The following LRRIQ1 variants were observed in gnomAD, a reference collection of about 807,000 sequenced individuals.
LRRIQ1 encodes the protein leucine-rich repeat- and IQ domain-containing protein 1.
LRRIQ1 carries 210 observed loss-of-function variants against 211.9 expected under a neutral mutation model. The ratio of observed to expected loss-of-function variants is 0.99; its 90% confidence interval spans 0.89 to 1.11. The LOEUF (loss-of-function observed/expected upper bound fraction) is 1.11, where lower values mean the gene tolerates loss of function less well. LRRIQ1 is among the 50% of genes most tolerant of loss of function. The pLI, the probability that LRRIQ1 is intolerant of heterozygous loss-of-function variation, is 0.00. For missense variants in LRRIQ1, 2,136 were observed against 1,939.5 expected (o/e 1.10, Z -1.90); for synonymous variants, 699 against 650.1 (o/e 1.08, Z -1.14).
At chr12:85,178,538 T>C (rs1269678750) in intron 24 of LRRIQ1, among the ~76,000 whole-genome samples, 2 of 152,050 alleles carry the variant, frequency 1.3e-5, no homozygotes, top group Non-Finnish European at 2.9e-5. Flanking sequence ...ACATTCATTA[T>C]AGTAATCAGT....
intron 24 of LRRIQ1, among the ~76,000 whole-genome samples, chr12:85,204,183 G>A (rs904983577): frequency 6.6e-6 from 1 of 152,180 alleles, no homozygotes; most frequent in Non-Finnish European, 1.5e-5. Context: ...CTTCCACATG[G>A]TGTTGATCCT....
chr12:85,112,143 TTAAA>T (rs1187059156), intron 15 of LRRIQ1, among the ~76,000 whole-genome samples: 2 of 152,020 alleles, frequency 1.3e-5, no homozygotes, highest in Non-Finnish European at 1.5e-5. Flanking sequence ...GATGGAAAGA[TTAAA>T]TAAATATTGT....
intron 24 of LRRIQ1, among the ~76,000 whole-genome samples, chr12:85,227,911 A>G (rs1894745652): frequency 6.6e-6 from 1 of 152,240 alleles, no homozygotes; most frequent in Non-Finnish European, 1.5e-5. Flanking sequence ...GACAAAAACA[A>G]GAAATGGGGA....
downstream of LRRIQ1, among the ~76,000 whole-genome samples, chr12:85,269,047 G>T (rs765435930): frequency 6.6e-6 from 1 of 151,898 alleles, no homozygotes; most frequent in African/African-American, 2.4e-5. Flanking sequence ...TTTAAGTGAA[G>T]AATACAGCCT....
At chr12:85,248,352 A>G (rs536230348), downstream of LRRIQ1, among the ~76,000 whole-genome samples, 1 of 151,768 alleles carries the variant, frequency 6.6e-6, no homozygotes, top group East Asian at 1.9e-4. Context: ...TATCATCTTT[A>G]ATTTTTCTAT....
chr12:85,240,554 T>C (rs949649666), intron 26 of LRRIQ1, among the ~76,000 whole-genome samples: 3 of 152,126 alleles, frequency 2.0e-5, no homozygotes, highest in African/African-American at 7.2e-5. Context: ...TACATAAACT[T>C]TCATAGCAGT....
At chr12:85,232,953 A>G in intron 26 of LRRIQ1, 197 bp downstream of exon 26, 1 of 490,642 alleles carries the variant, frequency 2.0e-6, no homozygotes, top group South Asian at 3.1e-5. Flanking sequence ...GACATTGCTT[A>G]AAAATGTTAA....
intron 17 of LRRIQ1, among the ~76,000 whole-genome samples, chr12:85,125,963 C>G (rs1888346412): frequency 6.6e-6 from 1 of 152,116 alleles, no homozygotes; most frequent in South Asian, 2.1e-4. Context: ...TTCAGTGATT[C>G]AGGAGATTCA....
chr12:85,196,508 T>G (rs1892920725), intron 24 of LRRIQ1, among the ~76,000 whole-genome samples: 1 of 151,862 alleles, frequency 6.6e-6, no homozygotes, highest in Non-Finnish European at 1.5e-5. Context: ...AACAGAGCCC[T>G]CAGAAATAAC....
intron 25 of LRRIQ1, 29 bp downstream of exon 25, chr12:85,229,678 T>C: frequency 6.3e-7 from 1 of 1,598,058 alleles, no homozygotes; most frequent in Non-Finnish European, 8.5e-7. Context: ...AATTAGATTT[T>C]TGTATTGTAA....
At chr12:85,197,790 G>T (rs986825232) in intron 24 of LRRIQ1, among the ~76,000 whole-genome samples, 3 of 144,822 alleles carry the variant, frequency 2.1e-5, no homozygotes, top group Non-Finnish European at 3.0e-5. Flanking sequence ...TAACTAACCT[G>T]CACAATGTGC....
chr12:85,253,640 A>G (rs927411710), intron 1 of LRRIQ1, among the ~76,000 whole-genome samples: 3 of 152,098 alleles, frequency 2.0e-5, no homozygotes, highest in Non-Finnish European at 4.4e-5. Flanking sequence ...TTATAAATTT[A>G]CAGTTTTACA....
chr12:85,056,624 C>A lies in LRRIQ1; in HGVS notation c.1831C>A (p.Gln611Lys). Residue 611 changes from glutamine (Q) to lysine (K), a missense_variant, in exon 8 of 27, where the codon CAA (glutamine) becomes AAA (lysine). By Grantham distance (53) the Gln-to-Lys change is moderately conservative. Transcript: ENST00000393217. ...DKDTLVISVK[Q>K]RSLSLTSENS... ...GGATACTTTAGTTATTTCAGTGAAACAAAGATCACTCTCACTAACATCAGA... is the reference window on the plus strand; with the variant it reads ...GGATACTTTAGTTATTTCAGTGAAAAAAAGATCACTCTCACTAACATCAGA... The A allele has an allele frequency of 6.3e-7, 1 of 1,594,318 alleles. No homozygotes were observed. Among genetic ancestry groups the A allele is most frequent in the Non-Finnish European group, 8.5e-7 (1 of 1,172,076 alleles).
At chr12:85,230,803 A>G (rs1178046323) in intron 25 of LRRIQ1, among the ~76,000 whole-genome samples, 1 of 151,084 alleles carries the variant, frequency 6.6e-6, no homozygotes, top group African/African-American at 2.4e-5. Flanking sequence ...TAATCCCAGC[A>G]CTTTGGGAGG....
At chr12:85,146,135 T>C (rs1592879492) in intron 19 of LRRIQ1, among the ~76,000 whole-genome samples, 1 of 139,912 alleles carries the variant, frequency 7.1e-6, no homozygotes, top group East Asian at 2.0e-4. Context: ...ATAGCTGGAC[T>C]CCTTCTTTTC....
At chr12:85,110,838 A>C (rs35312483) in intron 15 of LRRIQ1, among the ~76,000 whole-genome samples, 33,326 of 151,984 alleles carry the variant, frequency 0.22, 4,329 homozygotes, top group Admixed American at 0.31. Context: ...TATACTGGGA[A>C]ATACCATTGG....
intron 24 of LRRIQ1, among the ~76,000 whole-genome samples, chr12:85,188,989 G>C (rs1892360498): frequency 6.6e-6 from 1 of 152,082 alleles, no homozygotes; most frequent in Non-Finnish European, 1.5e-5. Context: ...ACTTCATTTT[G>C]AACTGACGCC....
intron 11 of LRRIQ1, among the ~76,000 whole-genome samples, chr12:85,085,541 A>G (rs1481367284): frequency 6.6e-6 from 1 of 152,180 alleles, no homozygotes; most frequent in Non-Finnish European, 1.5e-5. Context: ...CTTTACCCAG[A>G]TAGTGAGCAT....
chr12:85,210,355 T>C lies in LRRIQ1; in HGVS notation c.4823-19162T>C, dbSNP rs150182762. ...TTGCCAATGCTTACGGAAAAACTAA[T>C]ATAATTTTTAGTTACATGTGTTTCC... On this transcript the variant is annotated intron_variant, in intron 24 of 26. Coordinates refer to ENST00000393217, the MANE Select transcript of LRRIQ1 (RefSeq NM_001079910.2). 3.6e-3 allele frequency among the ~76,000 whole-genome samples: 555 copies of C among 152,310 alleles called. 3 individuals are homozygous for C. Among genetic ancestry groups the C allele is most frequent in the African/African-American group, 0.012 (518 of 41,570 alleles).
Sources: gnomAD v4.1 joint callset for allele counts (sites outside exome capture counted in the v4.1 genomes callset) on GRCh38, gnomAD v4.1.1 for gene constraint, MANE v1.5 for transcripts, NCBI Gene and HGNC (gene_info 2026-07-23, HGNC 2026-07-21) for gene names.